The following EYA4 variants were observed in gnomAD, a reference collection of about 807,000 sequenced individuals.
EYA4 encodes the protein EYA transcriptional coactivator and phosphatase 4.
In EYA4, 31 loss-of-function variants were observed where a neutral mutation model predicts 87.9. The observed-to-expected ratio is 0.35, with a 90% CI of 0.27 to 0.48. The LOEUF (loss-of-function observed/expected upper bound fraction) is 0.48. Among genes scored for constraint, EYA4 ranks in the 20% least tolerant of loss-of-function variants. The probability of loss-of-function intolerance (pLI) is 0.99; values close to 1 mark genes in which losing one functional copy is unlikely to be tolerated. For synonymous variants in EYA4, 263 were observed against 270.6 expected (o/e 0.97, Z 0.28); for missense variants, 678 against 761.4 (o/e 0.89, Z 1.29).
At chr6:133,284,077 G>A (rs1016634106) in intron 2 of EYA4, among the ~76,000 whole-genome samples, 40 of 152,032 alleles carry the variant, frequency 2.6e-4, no homozygotes, top group African/African-American at 8.5e-4. Flanking sequence ...CAGACCCTTC[G>A]GTCAACTTGG....
intron 3 of EYA4, among the ~76,000 whole-genome samples, chr6:133,390,661 A>G (rs1157467350): frequency 6.6e-6 from 1 of 152,234 alleles, no homozygotes; most frequent in Non-Finnish European, 1.5e-5. Flanking sequence ...CCAGTTACAT[A>G]GGTAATGTTT....
intron 2 of EYA4, among the ~76,000 whole-genome samples, chr6:133,377,400 C>T (rs776297073): frequency 1.2e-4 from 19 of 152,046 alleles, no homozygotes; most frequent in East Asian, 9.7e-4. Context: ...TAAATAGCCA[C>T]GTGTGGTTAG....
At chr6:133,435,918 A>T (rs1467138954) in intron 3 of EYA4, among the ~76,000 whole-genome samples, 1 of 152,122 alleles carries the variant, frequency 6.6e-6, no homozygotes, top group Non-Finnish European at 1.5e-5. Flanking sequence ...AACACTGCAC[A>T]TATAAATATT....
At chr6:133,246,455 T>A (rs1043314729) in intron 1 of EYA4, among the ~76,000 whole-genome samples, 1 of 152,262 alleles carries the variant, frequency 6.6e-6, no homozygotes, top group Admixed American at 6.5e-5. Context: ...TAGTTTTTTT[T>A]TTTCTGCACA....
intron 2 of EYA4, among the ~76,000 whole-genome samples, chr6:133,362,285 T>G (rs1488525594): frequency 6.6e-6 from 1 of 152,026 alleles, no homozygotes; most frequent in East Asian, 1.9e-4. Flanking sequence ...TTGGGGGAGA[T>G]TTCCTTGAAA....
At chr6:133,356,390 T>C (rs904738272) in intron 2 of EYA4, among the ~76,000 whole-genome samples, 9 of 152,246 alleles carry the variant, frequency 5.9e-5, no homozygotes, top group African/African-American at 2.2e-4. Context: ...ATTTTACTTA[T>C]ATGAATACAT....
At chr6:133,477,835 C>T (rs201496363) in intron 11 of EYA4, among the ~76,000 whole-genome samples, 1 of 146,224 alleles carries the variant, frequency 6.8e-6, no homozygotes, top group African/African-American at 2.5e-5. Context: ...CACACACACG[C>T]ATATATATAT....
At chr6:133,262,815 C>G (rs890178536) in intron 1 of EYA4, among the ~76,000 whole-genome samples, 4 of 152,194 alleles carry the variant, frequency 2.6e-5, no homozygotes, top group African/African-American at 9.7e-5. Flanking sequence ...AAAAATAGCT[C>G]AGCATCTAGT....
intron 2 of EYA4, among the ~76,000 whole-genome samples, chr6:133,305,053 CTGAGGACA>C (rs1779701427): frequency 6.6e-6 from 1 of 152,044 alleles, no homozygotes; most frequent in Non-Finnish European, 1.5e-5. Context: ...GAATGAAGAC[CTGAGGACA>C]TGGAGGCCCA....
At chr6:133,257,022 A>G (rs1750866051) in intron 1 of EYA4, among the ~76,000 whole-genome samples, 1 of 152,138 alleles carries the variant, frequency 6.6e-6, no homozygotes. Flanking sequence ...ATAAAACTGA[A>G]AATTATATTA....
rs1290557942 is a variant in EYA4 at position 133,387,218 on chromosome 6, A to G, written c.83+4777A>G. Among the ~76,000 whole-genome samples the G allele has an allele frequency of 5.3e-5, 8 of 152,338 alleles. No individual in the cohort carries two copies. In the East Asian group the frequency reaches 1.5e-3, roughly 29 times the overall value. On this transcript the variant is annotated intron_variant, in intron 3 of 19. Coordinates refer to ENST00000355286, the MANE Select transcript of EYA4 (RefSeq NM_004100.5). Reference sequence around the variant, plus strand: ...TAATGTTTAATGTATTAAATTATACATAGTTATTTGCTAGTAAAATAATTA... The same window carrying G: ...TAATGTTTAATGTATTAAATTATACGTAGTTATTTGCTAGTAAAATAATTA...
chr6:133,361,766 C>T (rs966194314), intron 2 of EYA4, among the ~76,000 whole-genome samples: 3 of 152,134 alleles, frequency 2.0e-5, no homozygotes, highest in African/African-American at 7.2e-5. Flanking sequence ...AAATGACCCT[C>T]CATTTTATTA....
intron 19 of EYA4, among the ~76,000 whole-genome samples, chr6:133,527,850 A>C (rs1800760459): frequency 6.6e-6 from 1 of 152,174 alleles, no homozygotes; most frequent in Non-Finnish European, 1.5e-5. Context: ...ATCAGCCCAA[A>C]CTTAACAAAT....
At chr6:133,415,939 A>G (rs1789676053) in intron 3 of EYA4, among the ~76,000 whole-genome samples, 2 of 152,372 alleles carry the variant, frequency 1.3e-5, no homozygotes, top group South Asian at 2.1e-4. Flanking sequence ...GAATGGCTCA[A>G]TAAACACTTC....
intron 2 of EYA4, among the ~76,000 whole-genome samples, chr6:133,281,350 G>C (rs1331491992): frequency 6.6e-6 from 1 of 152,208 alleles, no homozygotes; most frequent in East Asian, 1.9e-4. Context: ...TGCGCTTTTA[G>C]TGTTGTGTAT....
chr6:133,459,584 C>A (rs975651280), intron 6 of EYA4, among the ~76,000 whole-genome samples: 6 of 151,984 alleles, frequency 3.9e-5, no homozygotes, highest in African/African-American at 1.4e-4. Context: ...AACTATATTT[C>A]TGTTAGAGTA....
At chr6:133,366,932 T>C (rs1784895900) in intron 2 of EYA4, among the ~76,000 whole-genome samples, 1 of 152,240 alleles carries the variant, frequency 6.6e-6, no homozygotes, top group African/African-American at 2.4e-5. Context: ...TTTTTTTCTT[T>C]GTTCTCCCAT....
intron 13 of EYA4, among the ~76,000 whole-genome samples, chr6:133,503,882 G>A (rs1798357129): frequency 6.6e-6 from 1 of 152,018 alleles, no homozygotes; most frequent in Non-Finnish European, 1.5e-5. Flanking sequence ...GCCCTTCTGA[G>A]CTCTGAAACC....
intron 3 of EYA4, among the ~76,000 whole-genome samples, chr6:133,439,006 C>CACTACTGT (rs1281331471): frequency 7.9e-6 from 1 of 126,344 alleles, no homozygotes; most frequent in Non-Finnish European, 1.6e-5. Context: ...GGCACCACTG[C>CACTACTGT]ACTACTGTAC....
Sources: gnomAD v4.1 joint callset for allele counts (sites outside exome capture counted in the v4.1 genomes callset) on GRCh38, gnomAD v4.1.1 for gene constraint, MANE v1.5 for transcripts, NCBI Gene and HGNC (gene_info 2026-07-23, HGNC 2026-07-21) for gene names.